GPC5: variants seen among roughly 807,000 people sequenced by gnomAD.
GPC5 encodes the protein glypican-5.
GPC5 carries 47 observed loss-of-function variants against 53.9 expected under a neutral mutation model. The observed-to-expected ratio is 0.87, with a 90% CI of 0.69 to 1.11. The LOEUF (loss-of-function observed/expected upper bound fraction) is 1.11, where lower values mean the gene tolerates loss of function less well. Among genes scored for constraint, GPC5 ranks in the 50% most tolerant of loss-of-function variants. The pLI, the probability that GPC5 is intolerant of heterozygous loss-of-function variation, is 0.00. For missense variants in GPC5, 748 were observed against 713.1 expected, an observed-to-expected ratio of 1.05 and a Z score of -0.56; for synonymous variants, 286 against 263.3, an observed-to-expected ratio of 1.09 and a Z score of -0.84.
chr13:91,440,100 A>T (rs1880309134), intron 1 of GPC5, among the ~76,000 whole-genome samples: 1 of 152,168 alleles, frequency 6.6e-6, no homozygotes, highest in Admixed American at 6.5e-5. Context: ...GGGTTCAAGG[A>T]GCTTCTTAAA....
At chr13:91,887,927 A>T (rs2039342846) in intron 5 of GPC5, among the ~76,000 whole-genome samples, 1 of 151,940 alleles carries the variant, frequency 6.6e-6, no homozygotes, top group African/African-American at 2.4e-5. Context: ...AACCCTCCAA[A>T]CTGTTACAAC....
chr13:92,862,622 T>TAGAC (rs201381230), intron 7 of GPC5, among the ~76,000 whole-genome samples: 6 of 124,554 alleles, frequency 4.8e-5, no homozygotes, highest in East Asian at 5.6e-4. Context: ...TGGAGATAGA[T>TAGAC]AGACAGATAG....
chr13:92,209,258 A>G (rs985725776), intron 7 of GPC5, among the ~76,000 whole-genome samples: 1 of 152,204 alleles, frequency 6.6e-6, no homozygotes, highest in Non-Finnish European at 1.5e-5. Context: ...AGAGCTTAAC[A>G]TCATGAATTG....
intron 7 of GPC5, among the ~76,000 whole-genome samples, chr13:92,836,596 G>T (rs981668511): frequency 3.3e-5 from 5 of 151,966 alleles, no homozygotes; most frequent in African/African-American, 7.2e-5. Context: ...ATCTGTTTTG[G>T]TTTTTTGTGT....
At chr13:92,669,170 G>A (rs11839769) in intron 7 of GPC5, among the ~76,000 whole-genome samples, 33,594 of 151,918 alleles carry the variant, frequency 0.22, 4,375 homozygotes, top group South Asian at 0.36. Flanking sequence ...TATATATGCA[G>A]GGGTTTCATT....
intron 2 of GPC5, among the ~76,000 whole-genome samples, chr13:91,671,051 G>A (rs1379819159): frequency 2.0e-5 from 3 of 152,090 alleles, no homozygotes; most frequent in African/African-American, 7.2e-5. Flanking sequence ...ATTTATTTTA[G>A]GCATTCAATG....
intron 7 of GPC5, among the ~76,000 whole-genome samples, chr13:92,150,418 T>G (rs566087512): frequency 2.0e-5 from 3 of 152,156 alleles, no homozygotes; most frequent in Admixed American, 6.5e-5. Context: ...AATATATGTC[T>G]AAGATAAACA....
chr13:92,676,801 A>G (rs1886957260), intron 7 of GPC5, among the ~76,000 whole-genome samples: 2 of 152,332 alleles, frequency 1.3e-5, no homozygotes, highest in South Asian at 4.1e-4. Context: ...AGTACCGAAC[A>G]TGGTCAAGTT....
intron 7 of GPC5, among the ~76,000 whole-genome samples, chr13:92,841,349 C>A (rs921987203): frequency 8.6e-5 from 13 of 152,044 alleles, no homozygotes; most frequent in Non-Finnish European, 1.8e-4. Flanking sequence ...TTCCATGAAG[C>A]AGCAGAAGTG....
Position 92,628,264 on chromosome 13 carries a change from C to CTTTTTTTTTTTTTTTT in GPC5, c.1562-238004_1562-237989dup, listed in dbSNP as rs71123419. ...TTTTCTTTTCTTTTTCTTTTTCTTTCTTTTTTTTTTTTTTTTTTTTTTTTT... is the reference window on the plus strand; with the variant it reads ...TTTTCTTTTCTTTTTCTTTTTCTTTCTTTTTTTTTTTTTTTTTTTTTTTTTTTTTTTTTTTTTTTTT... On this transcript the variant is annotated intron_variant, in intron 7 of 7. Coordinates refer to ENST00000377067, the MANE Select transcript of GPC5 (RefSeq NM_004466.6). Among the ~76,000 whole-genome samples, 378 of 45,372 alleles carry CTTTTTTTTTTTTTTTT rather than the reference C, an allele frequency of 8.3e-3. 60 individuals carry two copies. The highest frequency in any genetic ancestry group is 0.011 in the Non-Finnish European group (262 of 23,138). 29.8% of individuals were successfully genotyped at this position (45,372 alleles called of 152,430 possible).
intron 2 of GPC5, among the ~76,000 whole-genome samples, chr13:91,540,235 G>A (rs2029873514): frequency 6.6e-6 from 1 of 152,140 alleles, no homozygotes; most frequent in Non-Finnish European, 1.5e-5. Context: ...ACTCTCTTCA[G>A]GGTCCTCTTC....
intron 7 of GPC5, among the ~76,000 whole-genome samples, chr13:92,635,540 T>C (rs1885382999): frequency 6.6e-6 from 1 of 152,138 alleles, no homozygotes. Context: ...CCCAAGACAA[T>C]GGCATTAATC....
chr13:91,787,355 T>C (rs1378425311), intron 5 of GPC5, among the ~76,000 whole-genome samples: 1 of 152,204 alleles, frequency 6.6e-6, no homozygotes, highest in Non-Finnish European at 1.5e-5. Flanking sequence ...TTTTATGAGA[T>C]TCTTAGTTTG....
At chr13:92,682,445 T>A (rs576840962) in intron 7 of GPC5, among the ~76,000 whole-genome samples, 1 of 152,322 alleles carries the variant, frequency 6.6e-6, no homozygotes, top group East Asian at 1.9e-4. Context: ...TTTGTGAACA[T>A]CTATATGTGG....
intron 6 of GPC5, among the ~76,000 whole-genome samples, chr13:91,932,190 C>T (rs762335601): frequency 1.8e-4 from 28 of 151,992 alleles, no homozygotes; most frequent in Admixed American, 7.9e-4. Flanking sequence ...GACTGGAATG[C>T]CAAAATATTG....
chr13:91,921,135 C>T (rs1195645196), intron 6 of GPC5, among the ~76,000 whole-genome samples: 1 of 151,898 alleles, frequency 6.6e-6, no homozygotes, highest in Non-Finnish European at 1.5e-5. Context: ...TGGGGTTTCA[C>T]TGTGTTGGCC....
chr13:91,984,274 T>C lies in GPC5; in HGVS notation c.1401+76217T>C, dbSNP rs532431630. Among the ~76,000 whole-genome samples, 18 of 152,338 alleles carry C rather than the reference T, an allele frequency of 1.2e-4. No individual in the cohort carries two copies. In the South Asian group the frequency reaches 3.7e-3, roughly 32 times the overall value. On this transcript the variant is annotated intron_variant, in intron 6 of 7. Transcript: ENST00000377067. ...CTGAAAAACTGAGTATGTGACTAAA[T>C]TGTTTTATCTGTTTCTATAATCGTT...
At chr13:92,639,829 C>T (rs112084293) in intron 7 of GPC5, among the ~76,000 whole-genome samples, 4,088 of 152,216 alleles carry the variant, frequency 0.027, 186 homozygotes, top group African/African-American at 0.092. Context: ...CGAAGCCCAG[C>T]TGAAGGTTAG....
chr13:91,434,359 A>G (rs1879742378), intron 1 of GPC5, among the ~76,000 whole-genome samples: 1 of 152,068 alleles, frequency 6.6e-6, no homozygotes, highest in Admixed American at 6.5e-5. Context: ...TCTTTAATCC[A>G]TCTTGAATTA....
Sources: allele counts gnomAD v4.1 joint callset (sites outside exome capture counted in the v4.1 genomes callset), GRCh38; gene constraint gnomAD v4.1.1; transcripts MANE v1.5; gene names NCBI Gene and HGNC (gene_info 2026-07-23, HGNC 2026-07-21).